Variants in ADAM18 observed in about 807,000 individuals in gnomAD.
ADAM18 encodes the protein disintegrin and metalloproteinase domain-containing protein 18.
ADAM18 carries 117 observed loss-of-function variants against 94.4 expected under a neutral mutation model. The ratio of observed to expected loss-of-function variants is 1.24; its 90% confidence interval spans 1.07 to 1.45. ADAM18 has a LOEUF of 1.45. Among genes scored for constraint, ADAM18 ranks in the 40% most tolerant of loss-of-function variants. The probability of loss-of-function intolerance (pLI) is 0.00; values close to 1 mark genes in which losing one functional copy is unlikely to be tolerated. For missense variants in ADAM18, 936 were observed against 880.0 expected, an observed-to-expected ratio of 1.06 and a Z score of -0.81; for synonymous variants, 327 against 291.6, an observed-to-expected ratio of 1.12 and a Z score of -1.24.
chr8:39,588,756 A>T (rs898391235), intron 2 of ADAM18, among the ~76,000 whole-genome samples: 3 of 152,172 alleles, frequency 2.0e-5, no homozygotes, highest in Admixed American at 1.3e-4. Context: ...AGTGAGGATT[A>T]TTACACACTG....
intron 7 of ADAM18, among the ~76,000 whole-genome samples, chr8:39,636,483 T>C (rs1474487573): frequency 6.6e-6 from 1 of 152,214 alleles, no homozygotes; most frequent in Non-Finnish European, 1.5e-5. Context: ...TTTCATACTT[T>C]ATTATCATCC....
At position 39,676,795 on chromosome 8, in the gene ADAM18, A is replaced by G. The variant is rs144151345; in HGVS notation, c.1526-636A>G. 2.2e-3 allele frequency among the ~76,000 whole-genome samples: 335 copies of G among 152,300 alleles called. 2 individuals carry two copies. Among genetic ancestry groups the G allele is most frequent in the Middle Eastern group, 6.8e-3 (2 of 294 alleles). On this transcript the variant is annotated intron_variant, in intron 14 of 19. Coordinates refer to ENST00000265707, the MANE Select transcript of ADAM18 (RefSeq NM_014237.3). Reference sequence around the variant, plus strand: ...CATTTTGGCAAGTGTATTATTTTCTATTCCTATTTGAAAAGAAGATTAGAA... The same window carrying G: ...CATTTTGGCAAGTGTATTATTTTCTGTTCCTATTTGAAAAGAAGATTAGAA...
chr8:39,719,443 C>T (rs995279030), intron 18 of ADAM18, among the ~76,000 whole-genome samples: 53 of 151,102 alleles, frequency 3.5e-4, no homozygotes, highest in African/African-American at 1.2e-3. Flanking sequence ...AAAATATGAC[C>T]CCAAAATGTG....
intron 2 of ADAM18, among the ~76,000 whole-genome samples, chr8:39,587,518 C>T (rs891794219): frequency 5.3e-5 from 8 of 152,174 alleles, no homozygotes; most frequent in African/African-American, 1.9e-4. Flanking sequence ...GATCTTGGCT[C>T]ACTGAAACCT....
intron 17 of ADAM18, among the ~76,000 whole-genome samples, chr8:39,704,998 G>A (rs1278720446): frequency 6.6e-6 from 1 of 152,096 alleles, no homozygotes; most frequent in East Asian, 1.9e-4. Context: ...TGCATTCAGA[G>A]ATATTGATAT....
At chr8:39,636,713 A>G (rs1336904986) in intron 7 of ADAM18, among the ~76,000 whole-genome samples, 1 of 151,906 alleles carries the variant, frequency 6.6e-6, no homozygotes, top group African/African-American at 2.4e-5. Flanking sequence ...CGCTTTGTAC[A>G]TTAGGTCTCT....
At chr8:39,684,502 T>A (rs973544242) in intron 16 of ADAM18, among the ~76,000 whole-genome samples, 1 of 152,126 alleles carries the variant, frequency 6.6e-6, no homozygotes, top group African/African-American at 2.4e-5. Context: ...TCTCAATGGA[T>A]TTGCTGGTTA....
chr8:39,728,136 C>T (rs1366554692), intron 19 of ADAM18, among the ~76,000 whole-genome samples: 2 of 152,036 alleles, frequency 1.3e-5, no homozygotes, highest in Non-Finnish European at 2.9e-5. Flanking sequence ...TCACTATTAC[C>T]AGGACAGCAC....
At chr8:39,630,339 A>G (rs1309750945) in intron 7 of ADAM18, among the ~76,000 whole-genome samples, 1 of 151,408 alleles carries the variant, frequency 6.6e-6, no homozygotes, top group Admixed American at 6.6e-5. Context: ...CCAAATAATT[A>G]TGAGGCACTA....
intron 3 of ADAM18, among the ~76,000 whole-genome samples, chr8:39,608,382 C>T (rs1300991488): frequency 2.0e-5 from 3 of 151,792 alleles, no homozygotes; most frequent in African/African-American, 7.3e-5. Flanking sequence ...TGCTCAAACC[C>T]TCCAATGCGT....
chr8:39,648,115 C>A (rs1436861796), intron 11 of ADAM18, among the ~76,000 whole-genome samples: 1 of 152,122 alleles, frequency 6.6e-6, no homozygotes, highest in Admixed American at 6.6e-5. Context: ...GATTTAACCA[C>A]CATACCTTAT....
At chr8:39,621,515 T>C (rs530091320) in intron 6 of ADAM18, among the ~76,000 whole-genome samples, 1 of 151,950 alleles carries the variant, frequency 6.6e-6, no homozygotes, top group African/African-American at 2.4e-5. Context: ...AATCTATTAA[T>C]ATAATAATAA....
At chr8:39,605,087 G>C (rs1819029516) in intron 2 of ADAM18, among the ~76,000 whole-genome samples, 1 of 152,160 alleles carries the variant, frequency 6.6e-6, no homozygotes, top group Non-Finnish European at 1.5e-5. Context: ...GTGATGAGCA[G>C]ATAGCCTTCT....
At chr8:39,613,788 G>A (rs185212721) in intron 6 of ADAM18, among the ~76,000 whole-genome samples, 1 of 152,218 alleles carries the variant, frequency 6.6e-6, no homozygotes, top group African/African-American at 2.4e-5. Context: ...GAATCAAACT[G>A]CTATAATAAA....
intron 12 of ADAM18, 99 bp downstream of exon 12, chr8:39,648,626 G>A: frequency 9.4e-7 from 1 of 1,068,324 alleles, no homozygotes; most frequent in South Asian, 2.1e-5. Context: ...ATGCAACAAT[G>A]CCATTAATTT....
rs113520497 is a variant in ADAM18, at chr8:39,614,941, G to A, written c.522+4235G>A. Among the ~76,000 whole-genome samples the A allele has an allele frequency of 3.0e-3, 462 of 152,192 alleles. 2 individuals carry two copies. Among genetic ancestry groups the A allele is most frequent in the Admixed American group, 5.3e-3 (81 of 15,290 alleles). ...ACAGATTTTCACTTAACACTGGCAC[G>A]CCCAGATTCATAAAGCAAGTTCTTG... On this transcript the variant is annotated intron_variant, in intron 6 of 19. Transcript: ENST00000265707.
chr8:39,698,393 C>G (rs1049614463), intron 17 of ADAM18, among the ~76,000 whole-genome samples: 2 of 151,770 alleles, frequency 1.3e-5, no homozygotes, highest in African/African-American at 4.8e-5. Flanking sequence ...CTTGTAAAGT[C>G]TATATAATTT....
rs200163434 is a variant in ADAM18, at chr8:39,585,065, AT to A, written c.56-202del. ...GGGGCCTGTAGAACTGCAATGTCTA[AT>A]TTTTTTTTCTTTTTTTGTGTCTTAG... On this transcript the variant is annotated intron_variant, in intron 1 of 19. Transcript: ENST00000265707. Among the ~76,000 whole-genome samples the A allele has an allele frequency of 1.3e-4, 20 of 151,258 alleles. No homozygotes were observed. In the East Asian group the frequency reaches 2.7e-3, roughly 21 times the overall value.
chr8:39,690,065 G>A (rs754534097), intron 16 of ADAM18, among the ~76,000 whole-genome samples: 9 of 152,090 alleles, frequency 5.9e-5, no homozygotes, highest in Non-Finnish European at 1.2e-4. Flanking sequence ...TTTTGTATTC[G>A]GAGACTTTGC....
Sources: gnomAD v4.1 joint callset for allele counts (sites outside exome capture counted in the v4.1 genomes callset) on GRCh38, gnomAD v4.1.1 for gene constraint, MANE v1.5 for transcripts, NCBI Gene and HGNC (gene_info 2026-07-23, HGNC 2026-07-21) for gene names.